SERGEF: variants seen among roughly 807,000 people sequenced by gnomAD.
SERGEF encodes the protein secretion-regulating guanine nucleotide exchange factor.
SERGEF carries 51 observed loss-of-function variants against 50.0 expected under a neutral mutation model. That is an observed-to-expected ratio of 1.02 (90% confidence interval 0.81 to 1.29). The LOEUF is 1.29. SERGEF is among the 50% of genes most tolerant of loss of function. The probability of loss-of-function intolerance (pLI) is 0.00; values close to 1 mark genes in which losing one functional copy is unlikely to be tolerated. For missense variants in SERGEF, 521 were observed against 557.0 expected, an observed-to-expected ratio of 0.94 and a Z score of 0.65; for synonymous variants, 205 against 212.4, an observed-to-expected ratio of 0.97 and a Z score of 0.30.
chr11:17,934,831 C>T (rs564608286), intron 9 of SERGEF, among the ~76,000 whole-genome samples: 14 of 152,332 alleles, frequency 9.2e-5, no homozygotes, highest in African/African-American at 4.8e-5. Context: ...ATCTACAATT[C>T]CACCACCTAA....
At chr11:17,994,392 C>A (rs530047766) in intron 6 of SERGEF, among the ~76,000 whole-genome samples, 1 of 141,160 alleles carries the variant, frequency 7.1e-6, no homozygotes, top group Non-Finnish European at 1.5e-5. Flanking sequence ...AGGAGGATGG[C>A]GTGAACCCGG....
intron 9 of SERGEF, among the ~76,000 whole-genome samples, chr11:17,920,267 A>C (rs1478872449): frequency 6.6e-6 from 1 of 152,010 alleles, no homozygotes; most frequent in Non-Finnish European, 1.5e-5. Context: ...AAACAAACAA[A>C]ACAGCAACTC....
intron 9 of SERGEF, among the ~76,000 whole-genome samples, chr11:17,922,274 T>C (rs1852172347): frequency 6.6e-6 from 1 of 152,136 alleles, no homozygotes; most frequent in Admixed American, 6.5e-5. Flanking sequence ...GCTCTGGCAG[T>C]GAGACAGATC....
chr11:17,987,637 T>C (rs1283553378), intron 8 of SERGEF, among the ~76,000 whole-genome samples: 1 of 152,174 alleles, frequency 6.6e-6, no homozygotes, highest in Admixed American at 6.5e-5. Context: ...AAAAGACCAA[T>C]TAAAAGCATC....
chr11:17,889,850 G>A (rs1334717407), intron 9 of SERGEF, among the ~76,000 whole-genome samples: 1 of 152,028 alleles, frequency 6.6e-6, no homozygotes, highest in Admixed American at 6.5e-5. Context: ...AAAAAGTTAA[G>A]CAAAATTAAT....
intron 10 of SERGEF, chr11:17,856,571 GA>G (rs993023102): frequency 5.3e-5 from 8 of 152,080 alleles, no homozygotes; most frequent in African/African-American, 1.9e-4. Context: ...TGTGTCTTTA[GA>G]TACCCAAGTC....
At chr11:17,923,010 C>T (rs931932622) in intron 9 of SERGEF, among the ~76,000 whole-genome samples, 2 of 152,210 alleles carry the variant, frequency 1.3e-5, no homozygotes, top group Non-Finnish European at 2.9e-5. Context: ...TGGGTAATGA[C>T]CACGGGGCCA....
intron 10 of SERGEF, among the ~76,000 whole-genome samples, chr11:17,831,313 T>C (rs578052498): frequency 6.6e-6 from 1 of 152,308 alleles, no homozygotes; most frequent in East Asian, 1.9e-4. Flanking sequence ...AGTCCAGCAC[T>C]CTCCTTCAGG....
intron 8 of SERGEF, among the ~76,000 whole-genome samples, chr11:17,973,521 G>A (rs755830230): frequency 2.6e-4 from 39 of 152,160 alleles, no homozygotes; most frequent in Admixed American, 1.4e-3. Context: ...CAATCTTTGG[G>A]TAAGCAATTC....
At position 17,945,000 on chromosome 11, in the gene SERGEF, G is replaced by C. The variant is rs991570038; in HGVS notation, c.1011+14470C>G. On this transcript the variant is annotated intron_variant, in intron 9 of 10. Coordinates refer to ENST00000265965, the MANE Select transcript of SERGEF (RefSeq NM_012139.4). ...TGCCATATCAGTGATAAGAAAACTA[G>C]AGGAAACTTAGGCTGGAAATCAGAA... Among the ~76,000 whole-genome samples, 4 of 152,270 alleles carry C rather than the reference G, an allele frequency of 2.6e-5. No individual in the cohort carries two copies. The East Asian group carries it at 7.7e-4, about 29-fold the overall frequency.
At chr11:17,803,741 G>A (rs1331224589) in intron 10 of SERGEF, among the ~76,000 whole-genome samples, 1 of 152,098 alleles carries the variant, frequency 6.6e-6, no homozygotes. Flanking sequence ...CCAGCTATTA[G>A]TGAATCTGGG....
intron 10 of SERGEF, among the ~76,000 whole-genome samples, chr11:17,841,857 C>A (rs1850509092): frequency 6.6e-6 from 1 of 152,156 alleles, no homozygotes; most frequent in African/African-American, 2.4e-5. Flanking sequence ...CCATATTTGT[C>A]CATATGCCTA....
At position 17,918,737 on chromosome 11, in the gene SERGEF, A is replaced by C. The variant is rs758427200; in HGVS notation, c.1012-40493T>G. ...AATGAAGTGATCAATTAGGACCTGG[A>C]CATCAGGGAAGACTTTCCAAGGAGA... On this transcript the variant is annotated intron_variant, in intron 9 of 10. Transcript: ENST00000265965. 18 of 450,998 alleles carry C rather than the reference A, an allele frequency of 4.0e-5. No individual in the cohort carries two copies. In the East Asian group the frequency reaches 1.3e-3, roughly 31 times the overall value. 27.9% of individuals were successfully genotyped at this position (450,998 alleles called of 1,614,324 possible). A position where few individuals can be genotyped will look rare whatever the true frequency, so the allele number is the denominator to read the frequency against.
At position 17,878,248 on chromosome 11, in the gene SERGEF, T is replaced by TAA. The variant is rs35473390; in HGVS notation, c.1012-6_1012-5dup. On this transcript the variant is annotated splice_polypyrimidine_tract_variant and splice_region_variant and intron_variant, in intron 9 of 10. Transcript: ENST00000265965. ...TATGCTCTGAGCCACAAGAGACCTG[T>TAA]AAAAAAAAAAAAAGACAAAGAAAAT... 4.8e-4 allele frequency: 644 copies of TAA among 1,340,998 alleles called. No individual in the cohort carries two copies. The highest frequency in any genetic ancestry group is 5.8e-4 in the South Asian group (44 of 75,432). The allele number at this position is 1,340,998 out of a possible 1,614,324, so 83.1% of individuals were successfully genotyped here.
chr11:18,012,278 C>T (rs964785964), intron 1 of SERGEF, among the ~76,000 whole-genome samples: 1 of 152,158 alleles, frequency 6.6e-6, no homozygotes, highest in Non-Finnish European at 1.5e-5. Context: ...CAAGACGCAG[C>T]GACTGCTTGT....
intron 8 of SERGEF, among the ~76,000 whole-genome samples, chr11:17,976,749 C>T (rs565485341): frequency 7.9e-5 from 12 of 152,214 alleles, no homozygotes; most frequent in Non-Finnish European, 1.8e-4. Flanking sequence ...TGGAACAAAT[C>T]AATCTCCATC....
intron 9 of SERGEF, among the ~76,000 whole-genome samples, chr11:17,900,737 A>G (rs1851734364): frequency 6.6e-6 from 1 of 152,172 alleles, no homozygotes; most frequent in African/African-American, 2.4e-5. Flanking sequence ...TCATACCTGT[A>G]AGTATATTTA....
intron 8 of SERGEF, among the ~76,000 whole-genome samples, chr11:17,985,483 C>T (rs970542587): frequency 3.3e-5 from 5 of 152,176 alleles, no homozygotes; most frequent in African/African-American, 1.2e-4. Flanking sequence ...AGATGAGACA[C>T]CTGCAGGTCA....
At chr11:17,999,644 C>T (rs998861467) in intron 5 of SERGEF, 30 of 443,090 alleles carry the variant, frequency 6.8e-5, no homozygotes, top group South Asian at 1.5e-4. Context: ...TTCTCCCACA[C>T]GCCACCTCCC....
Sources: allele counts gnomAD v4.1 joint callset (sites outside exome capture counted in the v4.1 genomes callset), GRCh38; gene constraint gnomAD v4.1.1; transcripts MANE v1.5; gene names NCBI Gene and HGNC (gene_info 2026-07-23, HGNC 2026-07-21).